HECW1: variants seen among roughly 807,000 people sequenced by gnomAD.
HECW1 encodes the protein E3 ubiquitin-protein ligase HECW1.
In HECW1, 61 loss-of-function variants were observed where a neutral mutation model predicts 182.3. The observed-to-expected ratio is 0.33, with a 90% CI of 0.27 to 0.41. The LOEUF is 0.41. Ranked by LOEUF, HECW1 falls within the 10% of genes least tolerant of loss-of-function variation. The probability of loss-of-function intolerance (pLI) is 1.00; values close to 1 mark genes in which losing one functional copy is unlikely to be tolerated. For synonymous variants in HECW1, 859 were observed against 832.6 expected (o/e 1.03, Z -0.55); for missense variants, 1,739 against 2,108.9 (o/e 0.82, Z 3.44).
chr7:43,115,822 T>C (rs1304896294), intron 2 of HECW1, among the ~76,000 whole-genome samples: 2 of 152,248 alleles, frequency 1.3e-5, no homozygotes, highest in East Asian at 3.8e-4. Context: ...TGTTTTCCCA[T>C]AGCCTTTTTG....
chr7:43,452,332 T>C (rs1342351793), intron 12 of HECW1, among the ~76,000 whole-genome samples: 2 of 152,236 alleles, frequency 1.3e-5, no homozygotes, highest in Non-Finnish European at 2.9e-5. Context: ...TGACTAGTTA[T>C]ACATGCAAAT....
chr7:43,563,216 A>G lies in HECW1; in HGVS notation c.*1290A>G, dbSNP rs2082256215. ...TTGATTTGTATCAAAATAAATATCC[A>G]GTTTCTTTTAGCATTCAGTGAAAAC... On this transcript the variant is annotated 3_prime_UTR_variant, in exon 30 of 30. Coordinates refer to ENST00000395891, the MANE Select transcript of HECW1 (RefSeq NM_015052.5). The G allele has an allele frequency of 4.9e-6, 1 of 205,316 alleles. No homozygotes were observed. Among genetic ancestry groups the G allele is most frequent in the Non-Finnish European group, 1.0e-5 (1 of 100,134 alleles). 12.7% of individuals were successfully genotyped at this position (205,316 alleles called of 1,614,324 possible). A position where few individuals can be genotyped will look rare whatever the true frequency, so the allele number is the denominator to read the frequency against.
chr7:43,125,566 C>A (rs112699252), intron 2 of HECW1, among the ~76,000 whole-genome samples: 7,250 of 151,536 alleles, frequency 0.048, 231 homozygotes, highest in East Asian at 0.16. Context: ...ACCAGCCTGG[C>A]CAATATGGTG....
At chr7:43,447,258 T>C (rs551115542) in intron 11 of HECW1, among the ~76,000 whole-genome samples, 2 of 151,600 alleles carry the variant, frequency 1.3e-5, no homozygotes, top group East Asian at 2.0e-4. Context: ...TTGGCCCCCA[T>C]GTTGGGAGAT....
Position 43,243,370 on chromosome 7 carries a change from C to A in HECW1, c.-31-505C>A, listed in dbSNP as rs954825409. On this transcript the variant is annotated intron_variant, in intron 2 of 29. Transcript: ENST00000395891. The surrounding 1 kb of genome is among the most constrained non-coding windows in gnomAD (Gnocchi z 4.0). ...GGACAACAAGTGGAAGGGGATGGCA[C>A]TTCTTGAGTCTTTCCCATCTGAGTA... 3.9e-5 allele frequency among the ~76,000 whole-genome samples: 6 copies of A among 152,170 alleles called. No homozygotes were observed. The highest frequency in any genetic ancestry group is 5.9e-5 in the Non-Finnish European group (4 of 68,038).
chr7:43,338,961 G>A (rs560114278), intron 5 of HECW1, among the ~76,000 whole-genome samples: 9 of 152,032 alleles, frequency 5.9e-5, no homozygotes, highest in South Asian at 2.1e-4. Flanking sequence ...TATATATAGC[G>A]GGAACTCAAA....
At chr7:43,500,200 A>T (rs1037102670) in intron 19 of HECW1, among the ~76,000 whole-genome samples, 2 of 151,918 alleles carry the variant, frequency 1.3e-5, no homozygotes, top group African/African-American at 4.8e-5. Flanking sequence ...TCCCGGTTCA[A>T]GCGATTCTCC....
intron 8 of HECW1, among the ~76,000 whole-genome samples, chr7:43,422,740 A>G (rs2076227735): frequency 6.6e-6 from 1 of 152,186 alleles, no homozygotes. Flanking sequence ...TACCAGAGTT[A>G]CCACATTTAA....
At chr7:43,347,328 T>C (rs1813817373) in intron 5 of HECW1, among the ~76,000 whole-genome samples, 2 of 152,158 alleles carry the variant, frequency 1.3e-5, no homozygotes, top group African/African-American at 2.4e-5. Context: ...TCTGCTTGGT[T>C]GCTGTTGATG....
Position 43,563,670 on chromosome 7 carries a change from A to C in HECW1, c.*1744A>C, listed in dbSNP as rs1413589820. On this transcript the variant is annotated 3_prime_UTR_variant, in exon 30 of 30. Coordinates refer to ENST00000395891, the MANE Select transcript of HECW1 (RefSeq NM_015052.5). ...GATCGCTTGAGGTCAGGAGTTCAAG[A>C]CAAGCCTGGCCAACATGGTGAAACC... The C allele has an allele frequency of 1.1e-5, 2 of 176,802 alleles. No individual in the cohort carries two copies. Among genetic ancestry groups the C allele is most frequent in the African/African-American group, 4.7e-5 (2 of 42,204 alleles). The allele number at this position is 176,802 out of a possible 1,614,324, so 11.0% of individuals were successfully genotyped here. A position where few individuals can be genotyped will look rare whatever the true frequency, so the allele number is the denominator to read the frequency against.
At chr7:43,196,218 C>T (rs955700004) in intron 2 of HECW1, among the ~76,000 whole-genome samples, 2 of 152,222 alleles carry the variant, frequency 1.3e-5, no homozygotes, top group Non-Finnish European at 2.9e-5. Flanking sequence ...TCTCCTTCCT[C>T]TCCAATACTG....
In HECW1 at chr7:43,399,729, C is replaced by G. The variant is rs558749869; in HGVS notation, c.631+2840C>G. On this transcript the variant is annotated intron_variant, in intron 7 of 29. Transcript: ENST00000395891. ...AAGGTGATCAGGGTTGGTTCATCTC[C>G]TGCAGTCCCCAAACACATCATTTTT... is the stretch of plus-strand genomic sequence containing the variant. Among the ~76,000 whole-genome samples the G allele has an allele frequency of 7.9e-5, 12 of 152,332 alleles. No individual in the cohort carries two copies. In the South Asian group the frequency reaches 2.5e-3, roughly 32 times the overall value.
chr7:43,132,975 T>C (rs1562580294), intron 2 of HECW1, among the ~76,000 whole-genome samples: 1 of 152,202 alleles, frequency 6.6e-6, no homozygotes, highest in Non-Finnish European at 1.5e-5. Context: ...TTCAGTTTTT[T>C]AATAAGAAAG....
At chr7:43,273,777 G>A (rs1197454172) in intron 3 of HECW1, among the ~76,000 whole-genome samples, 1 of 151,522 alleles carries the variant, frequency 6.6e-6, no homozygotes, top group Non-Finnish European at 1.5e-5. Context: ...CAAATATTGG[G>A]AAATTGTGTC....
At chr7:43,309,052 T>C (rs1360140252) in intron 3 of HECW1, among the ~76,000 whole-genome samples, 2 of 152,168 alleles carry the variant, frequency 1.3e-5, no homozygotes, top group Non-Finnish European at 2.9e-5. Flanking sequence ...GTACAGGGGA[T>C]ATACAGAGGA....
chr7:43,399,680 A>G (rs1205928503), intron 7 of HECW1, among the ~76,000 whole-genome samples: 9 of 152,072 alleles, frequency 5.9e-5, no homozygotes, highest in Admixed American at 5.2e-4. Flanking sequence ...CACCACCCCA[A>G]CTTGGTTCAC....
chr7:43,310,768 T>C (rs1430613495), intron 3 of HECW1, among the ~76,000 whole-genome samples: 1 of 152,230 alleles, frequency 6.6e-6, no homozygotes, highest in East Asian at 1.9e-4. Context: ...ATTAGGTGCA[T>C]AAGAAGTTAC....
intron 2 of HECW1, among the ~76,000 whole-genome samples, chr7:43,190,524 T>C (rs568033471): frequency 6.6e-6 from 1 of 152,354 alleles, no homozygotes; most frequent in East Asian, 1.9e-4. Flanking sequence ...GACAATGAAA[T>C]ACATTGATAC....
chr7:43,410,132 A>G (rs1214968644), intron 8 of HECW1, among the ~76,000 whole-genome samples: 1 of 152,174 alleles, frequency 6.6e-6, no homozygotes, highest in Non-Finnish European at 1.5e-5. Context: ...GAAGAAAGCA[A>G]CAGGCCAAAA....
Sources: gnomAD v4.1 joint callset for allele counts (sites outside exome capture counted in the v4.1 genomes callset) on GRCh38, gnomAD v4.1.1 for gene constraint, Gnocchi (gnomAD v3.1) non-coding constraint, MANE v1.5 for transcripts, NCBI Gene and HGNC (gene_info 2026-07-23, HGNC 2026-07-21) for gene names.